Variants in ETV6 observed in about 807,000 individuals in gnomAD.
The protein encoded by ETV6 is ETS variant transcription factor 6.
A neutral mutation model predicts 51.1 loss-of-function variants in ETV6; 16 were observed. That is an observed-to-expected ratio of 0.31 (90% CI 0.21 to 0.48). The LOEUF is 0.48. Among genes scored for constraint, ETV6 ranks in the 20% least tolerant of loss-of-function variants. The pLI is 0.99. For missense variants in ETV6, 458 were observed against 594.8 expected (o/e 0.77, Z 2.39); for synonymous variants, 240 against 224.1 (o/e 1.07, Z -0.64).
intron 2 of ETV6, among the ~76,000 whole-genome samples, chr12:11,778,912 T>C (rs1945373268): frequency 1.3e-5 from 2 of 152,226 alleles, no homozygotes; most frequent in African/African-American, 4.8e-5. Flanking sequence ...TGCCCCCTTA[T>C]TGTAGCTTCT....
At chr12:11,734,692 C>G (rs953890917) in intron 1 of ETV6, among the ~76,000 whole-genome samples, 1 of 152,132 alleles carries the variant, frequency 6.6e-6, no homozygotes, top group African/African-American at 2.4e-5. Flanking sequence ...CTCCTCTAAT[C>G]CTCAGAATCT....
At chr12:11,669,380 TCCC>T (rs1864264130) in intron 1 of ETV6, among the ~76,000 whole-genome samples, 1 of 126,180 alleles carries the variant, frequency 7.9e-6, no homozygotes, top group Admixed American at 8.0e-5. Context: ...CCTTCCTCCC[TCCC>T]TCCCTCCCTC....
intron 3 of ETV6, among the ~76,000 whole-genome samples, chr12:11,847,381 A>G (rs1946481082): frequency 6.6e-6 from 1 of 152,114 alleles, no homozygotes; most frequent in Non-Finnish European, 1.5e-5. Context: ...TCTGGAGTTC[A>G]GAAGAAGTGC....
intron 1 of ETV6, among the ~76,000 whole-genome samples, chr12:11,652,598 T>C (rs1031556721): frequency 6.6e-5 from 10 of 152,178 alleles, no homozygotes; most frequent in African/African-American, 2.4e-4. Flanking sequence ...TTTTTCCCAG[T>C]CCTCCTCTCC....
chr12:11,814,387 A>C (rs1408058716), intron 2 of ETV6, among the ~76,000 whole-genome samples: 1 of 152,224 alleles, frequency 6.6e-6, no homozygotes, highest in Non-Finnish European at 1.5e-5. Flanking sequence ...TTGGGTTCAA[A>C]CTACAGATCA....
chr12:11,807,739 A>G (rs1945850024), intron 2 of ETV6, among the ~76,000 whole-genome samples: 1 of 152,222 alleles, frequency 6.6e-6, no homozygotes, highest in Non-Finnish European at 1.5e-5. Context: ...TCAATGAAAC[A>G]GGATGCACCT....
intron 3 of ETV6, among the ~76,000 whole-genome samples, chr12:11,842,313 T>A (rs953435605): frequency 6.6e-6 from 1 of 152,112 alleles, no homozygotes. Flanking sequence ...TCCACTTTCC[T>A]TTCTCCCATC....
Position 11,890,855 on chromosome 12 carries a change from C to G in ETV6, c.1254-86C>G, listed in dbSNP as rs2136615525. On this transcript the variant is annotated intron_variant, in intron 7 of 7. Transcript: ENST00000396373. ...CTCCAGCTGTATAAGATGATGGAGT[C>G]TTTCTTTATATACAGGCTAGAGTTC... The G allele has an allele frequency of 3.9e-6, 4 of 1,022,562 alleles. No homozygotes were observed. In the Middle Eastern group the frequency reaches 6.1e-4, roughly 157 times the overall value. 63.3% of individuals were successfully genotyped at this position (1,022,562 alleles called of 1,614,324 possible).
rs1947284387 is a variant in ETV6, at chr12:11,891,343, G to T, written c.*297G>T. On this transcript the variant is annotated 3_prime_UTR_variant, in exon 8 of 8. Coordinates refer to ENST00000396373, the MANE Select transcript of ETV6 (RefSeq NM_001987.5). ...TCCTCACCCTCACCCTTCCACCGTT[G>T]TTAGTATCATGGTGTTTTTGTTTTT... 2 of 378,912 alleles carry T rather than the reference G, an allele frequency of 5.3e-6. No homozygotes were observed. Among genetic ancestry groups the T allele is most frequent in the East Asian group, 9.2e-5 (2 of 21,640 alleles). The allele number at this position is 378,912 out of a possible 1,614,324, so 23.5% of individuals were successfully genotyped here.
intron 2 of ETV6, among the ~76,000 whole-genome samples, chr12:11,793,004 C>T (rs891934416): frequency 2.6e-5 from 4 of 151,622 alleles, no homozygotes; most frequent in East Asian, 1.9e-4. Context: ...TGAAGAATGA[C>T]GAAATTCACA....
chr12:11,709,881 A>G (rs2724588), intron 1 of ETV6, among the ~76,000 whole-genome samples: 99,444 of 151,986 alleles, frequency 0.65, 32,647 homozygotes, highest in Middle Eastern at 0.78. Flanking sequence ...GTCTGCCTCT[A>G]TAAGCACATA....
intron 1 of ETV6, among the ~76,000 whole-genome samples, chr12:11,705,783 G>A (rs1865062959): frequency 6.6e-6 from 1 of 152,194 alleles, no homozygotes; most frequent in Admixed American, 6.5e-5. Flanking sequence ...ACAACCCTAA[G>A]CCCCTGTCTG....
chr12:11,723,701 G>A (rs898458309), intron 1 of ETV6, among the ~76,000 whole-genome samples: 3 of 151,770 alleles, frequency 2.0e-5, no homozygotes, highest in Non-Finnish European at 2.9e-5. Flanking sequence ...TCCTATCCTG[G>A]CCTCTCCTTG....
chr12:11,825,832 C>CTTTTTTTTT (rs1565540721), intron 2 of ETV6: 2 of 145,604 alleles, frequency 1.4e-5, no homozygotes, highest in Non-Finnish European at 1.5e-5. Context: ...AGAAAGCATG[C>CTTTTTTTTT]CTTTTTTTTT....
rs1866053075 is a variant in ETV6 at position 11,752,523 on chromosome 12, C to T, written c.107C>T (p.Pro36Leu). Reference sequence around the variant, plus strand: ...GCTTCCTCGACGCCACTTCATGTTCCAGTGCCTCGAGCGCTCAGGATGGAG... The same window carrying T: ...GCTTCCTCGACGCCACTTCATGTTCTAGTGCCTCGAGCGCTCAGGATGGAG... ...SYASSTPLHV[P>L]VPRALRMEED... is the part of the protein sequence containing the mutation. Residue 36 changes from proline to leucine, a missense_variant, in exon 2 of 8, where the codon CCA becomes CTA. Coordinates refer to ENST00000396373, the MANE Select transcript of ETV6 (RefSeq NM_001987.5). 3 of 1,613,894 alleles carry T rather than the reference C, an allele frequency of 1.9e-6. No homozygotes were observed. Among genetic ancestry groups the T allele is most frequent in the Admixed American group, 1.7e-5 (1 of 60,000 alleles).
intron 4 of ETV6, among the ~76,000 whole-genome samples, chr12:11,857,752 C>G (rs1300272418): frequency 6.6e-6 from 1 of 152,110 alleles, no homozygotes; most frequent in Non-Finnish European, 1.5e-5. Flanking sequence ...GAAACCAGGT[C>G]CTAACCCTTC....
chr12:11,651,391 G>GT (rs1434148258), intron 1 of ETV6, among the ~76,000 whole-genome samples: 2 of 152,288 alleles, frequency 1.3e-5, no homozygotes, highest in African/African-American at 4.8e-5. Context: ...TGCTTACTAG[G>GT]TTTTTTATAA....
intron 2 of ETV6, among the ~76,000 whole-genome samples, chr12:11,779,637 T>C (rs1261808756): frequency 1.1e-4 from 17 of 152,214 alleles, no homozygotes; most frequent in Admixed American, 1.1e-3. Context: ...AAATATATAA[T>C]GTAGAAAAAT....
In ETV6 at chr12:11,895,141, G is replaced by C. The variant is rs1947373111; in HGVS notation, c.*4095G>C. The C allele has an allele frequency of 1.6e-5, 3 of 189,134 alleles. No homozygotes were observed. The highest frequency in any genetic ancestry group is 1.2e-4 in the Admixed American group (2 of 16,036). 11.7% of individuals were successfully genotyped at this position (189,134 alleles called of 1,614,324 possible). On this transcript the variant is annotated 3_prime_UTR_variant, in exon 8 of 8. Transcript: ENST00000396373. Reference sequence around the variant, plus strand: ...TCACACATGCCAAGTGAACATTCTTGATGATTTCTCTTTGTGACCGCAACC... The same window carrying C: ...TCACACATGCCAAGTGAACATTCTTCATGATTTCTCTTTGTGACCGCAACC...
Sources: allele counts gnomAD v4.1 joint callset (sites outside exome capture counted in the v4.1 genomes callset), GRCh38; gene constraint gnomAD v4.1.1; transcripts MANE v1.5; gene names NCBI Gene and HGNC (gene_info 2026-07-23, HGNC 2026-07-21).